Variants in CUX2 observed in about 807,000 individuals in gnomAD.
CUX2 encodes homeobox protein cut-like 2.
CUX2 carries 40 observed loss-of-function variants against 144.8 expected under a neutral mutation model. The ratio of observed to expected loss-of-function variants is 0.28; its 90% CI spans 0.21 to 0.36. The LOEUF is 0.36. Ranked by LOEUF, CUX2 falls within the 10% of genes least tolerant of loss-of-function variation. CUX2 has a pLI of 1.00. For missense variants in CUX2, 1,615 were observed against 1,994.0 expected (o/e 0.81, Z 3.62); for synonymous variants, 827 against 875.6 (o/e 0.94, Z 0.98).
intron 6 of CUX2, among the ~76,000 whole-genome samples, chr12:111,294,771 G>A (rs377485303): frequency 2.0e-5 from 3 of 151,872 alleles, no homozygotes; most frequent in East Asian, 1.9e-4. Context: ...GGTGGCAGGC[G>A]CCTGCAATCC....
At chr12:111,266,211 CA>C (rs564432357) in intron 4 of CUX2, among the ~76,000 whole-genome samples, 57 of 152,220 alleles carry the variant, frequency 3.7e-4, no homozygotes, top group African/African-American at 1.2e-3. Flanking sequence ...CACAGTGGCT[CA>C]AAGCCTGTAA....
At chr12:111,076,357 G>A (rs1254620776) in intron 1 of CUX2, among the ~76,000 whole-genome samples, 1 of 152,226 alleles carries the variant, frequency 6.6e-6, no homozygotes, top group Non-Finnish European at 1.5e-5. Context: ...TAATTCCCAT[G>A]TGCCTCCTAC....
intron 19 of CUX2, among the ~76,000 whole-genome samples, chr12:111,335,188 C>T (rs1390710028): frequency 2.6e-5 from 4 of 152,076 alleles, no homozygotes; most frequent in African/African-American, 4.8e-5. Flanking sequence ...GTCAGCAGTT[C>T]GAGACCAGCC....
At chr12:111,123,905 G>C (rs1874870407) in intron 1 of CUX2, among the ~76,000 whole-genome samples, 1 of 152,280 alleles carries the variant, frequency 6.6e-6, no homozygotes, top group East Asian at 1.9e-4. Flanking sequence ...TAAGGAAACA[G>C]GCTCAGAGGG....
intron 3 of CUX2, among the ~76,000 whole-genome samples, chr12:111,252,717 G>A (rs1028728386): frequency 3.3e-5 from 5 of 151,272 alleles, no homozygotes; most frequent in African/African-American, 7.3e-5. Flanking sequence ...GCCCAGCCCC[G>A]CCTGGGCTCT....
At chr12:111,167,773 C>T (rs1044262340) in intron 1 of CUX2, among the ~76,000 whole-genome samples, 1 of 152,188 alleles carries the variant, frequency 6.6e-6, no homozygotes, top group African/African-American at 2.4e-5. Context: ...TAGCTCACTG[C>T]AACCTCTGCT....
chr12:111,217,253 C>T (rs975226743), intron 2 of CUX2, among the ~76,000 whole-genome samples: 1 of 152,176 alleles, frequency 6.6e-6, no homozygotes, highest in Non-Finnish European at 1.5e-5. Flanking sequence ...GTTCCTCAGA[C>T]ATTTGCAGAG....
intron 3 of CUX2, among the ~76,000 whole-genome samples, chr12:111,237,480 G>A (rs761833773): frequency 2.0e-5 from 3 of 152,112 alleles, no homozygotes; most frequent in Non-Finnish European, 4.4e-5. Context: ...CTTCACAACC[G>A]TGCCCGACTC....
chr12:111,344,322 A>G (rs1252232063), intron 21 of CUX2, among the ~76,000 whole-genome samples: 1 of 152,186 alleles, frequency 6.6e-6, no homozygotes, highest in African/African-American at 2.4e-5. Context: ...ACATTTCACT[A>G]TAATCTAATA....
chr12:111,121,152 A>C (rs959582945), intron 1 of CUX2, among the ~76,000 whole-genome samples: 1 of 148,630 alleles, frequency 6.7e-6, no homozygotes, highest in Non-Finnish European at 1.5e-5. Flanking sequence ...CTTATTTTTG[A>C]GGGGGTGAAT....
intron 1 of CUX2, among the ~76,000 whole-genome samples, chr12:111,047,730 G>T (rs1284433469): frequency 6.6e-6 from 1 of 152,208 alleles, no homozygotes; most frequent in Non-Finnish European, 1.5e-5. Flanking sequence ...TCTTGAGCAC[G>T]TGCTATAGGC....
chr12:111,270,823 G>A (rs761653815), intron 4 of CUX2, among the ~76,000 whole-genome samples: 34 of 152,108 alleles, frequency 2.2e-4, no homozygotes, highest in Non-Finnish European at 3.8e-4. Flanking sequence ...CTTCTCTTGG[G>A]GGGGAGGCTG....
intron 18 of CUX2, among the ~76,000 whole-genome samples, chr12:111,323,660 G>A (rs191596293): frequency 7.9e-4 from 120 of 151,966 alleles, no homozygotes; most frequent in Non-Finnish European, 1.2e-3. Flanking sequence ...GGAATGGTAC[G>A]TACCTGTGGT....
At chr12:111,314,639 T>TAAAAAAAAAAAAAAAA (rs954472479) in intron 16 of CUX2, among the ~76,000 whole-genome samples, 4 of 23,236 alleles carry the variant, frequency 1.7e-4, no homozygotes, top group African/African-American at 6.5e-4. Flanking sequence ...AAACTCAGTC[T>TAAAAAAAAAAAAAAAA]AAAAAAAAAA....
intron 1 of CUX2, among the ~76,000 whole-genome samples, chr12:111,108,707 TGCCCCAC>T (rs1873758500): frequency 6.7e-6 from 1 of 149,352 alleles, no homozygotes; most frequent in African/African-American, 2.5e-5. Flanking sequence ...CCCTTCTCTT[TGCCCCAC>T]TCTCCTCGCC....
At chr12:111,080,835 G>A (rs182891480) in intron 1 of CUX2, among the ~76,000 whole-genome samples, 1 of 152,226 alleles carries the variant, frequency 6.6e-6, no homozygotes, top group Admixed American at 6.5e-5. Flanking sequence ...GCACTTCCTG[G>A]TATATAATAA....
At position 111,338,225 on chromosome 12, in the gene CUX2, C is replaced by T. The variant is rs535302315; in HGVS notation, c.3197-61C>T. 69 of 1,512,058 alleles carry T rather than the reference C, an allele frequency of 4.6e-5. No individual in the cohort carries two copies. The Admixed American group carries it at 1.2e-3, about 26-fold the overall frequency. 93.7% of individuals were successfully genotyped at this position (1,512,058 alleles called of 1,614,324 possible). ...GTCTCTGGCCTATTCCATGTCTCTC[C>T]TGGGAGTAGGCTTCTCTGCCCAGCC... On this transcript the variant is annotated intron_variant, in intron 19 of 21. Transcript: ENST00000261726.
intron 4 of CUX2, among the ~76,000 whole-genome samples, chr12:111,281,515 G>T (rs1412241906): frequency 2.0e-5 from 3 of 152,208 alleles, no homozygotes; most frequent in Non-Finnish European, 4.4e-5. Context: ...CTCCCCCACT[G>T]GGAAGTCGGC....
chr12:111,348,191 G>A lies in CUX2; in HGVS notation c.4327G>A (p.Gly1443Arg). Residue 1443 changes from glycine (G) to arginine (R), a missense_variant, in exon 22 of 22, where the codon GGA (glycine) becomes AGA (arginine). Gly to Arg is a moderately radical substitution (Grantham distance 125). Coordinates refer to ENST00000261726, the MANE Select transcript of CUX2 (RefSeq NM_015267.4). Reference protein sequence around the residue: ...PSASPTADMAGALHPSAKVNP... With the variant: ...PSASPTADMARALHPSAKVNP... Reference sequence around the variant, plus strand: ...TGCCAGCCCCACTGCTGACATGGCTGGAGCCTTGCACCCCAGTGCCAAGGT... The same window carrying A: ...TGCCAGCCCCACTGCTGACATGGCTAGAGCCTTGCACCCCAGTGCCAAGGT... 6.2e-7 allele frequency: 1 copy of A among 1,614,026 alleles called. No homozygotes were observed. The highest frequency in any genetic ancestry group is 2.2e-5 in the East Asian group (1 of 44,862).
Sources: gnomAD v4.1 joint callset for allele counts (sites outside exome capture counted in the v4.1 genomes callset) on GRCh38, gnomAD v4.1.1 for gene constraint, MANE v1.5 for transcripts, NCBI Gene and HGNC (gene_info 2026-07-23, HGNC 2026-07-21) for gene names.